Variants in TMEM232 observed in about 807,000 individuals in gnomAD.
TMEM232 encodes transmembrane protein 232.
Under a neutral mutation model 78.8 loss-of-function variants are expected in TMEM232, and 80 were observed. The ratio of observed to expected loss-of-function variants is 1.01; its 90% CI spans 0.85 to 1.22. The LOEUF is 1.22. TMEM232 is among the 50% of genes most tolerant of loss of function. TMEM232 has a pLI of 0.00. For missense variants in TMEM232, 881 were observed against 742.2 expected, an observed-to-expected ratio of 1.19 and a Z score of -2.17; for synonymous variants, 297 against 254.3, an observed-to-expected ratio of 1.17 and a Z score of -1.60.
At chr5:110,579,072 G>A (rs1364418341) in intron 10 of TMEM232, among the ~76,000 whole-genome samples, 1 of 151,682 alleles carries the variant, frequency 6.6e-6, no homozygotes, top group African/African-American at 2.4e-5. Context: ...GATATCAAAA[G>A]TATAGGAGAT....
intron 12 of TMEM232, among the ~76,000 whole-genome samples, chr5:110,464,849 T>A (rs568703662): frequency 6.6e-6 from 1 of 152,316 alleles, no homozygotes; most frequent in South Asian, 2.1e-4. Context: ...TCTATCTATC[T>A]ATCATGAACC....
intron 12 of TMEM232, among the ~76,000 whole-genome samples, chr5:110,523,289 C>T (rs1012174644): frequency 6.6e-6 from 1 of 151,984 alleles, no homozygotes. Flanking sequence ...TCTTCTCTCC[C>T]TTTTCTTAGA....
At chr5:110,406,332 GTATC>G (rs1249932194) in intron 2 of TMEM232, among the ~76,000 whole-genome samples, 6 of 146,950 alleles carry the variant, frequency 4.1e-5, no homozygotes, top group Non-Finnish European at 6.0e-5. Context: ...AATATTTTCT[GTATC>G]TATTCATGTG....
chr5:110,668,783 A>AG (rs1472731594), intron 1 of TMEM232, among the ~76,000 whole-genome samples: 2,929 of 152,272 alleles, frequency 0.019, 83 homozygotes, highest in African/African-American at 0.068. Context: ...ACTGTCTCGC[A>AG]GACCACAGTG....
chr5:110,713,962 G>A (rs1044078817), intron 1 of TMEM232, among the ~76,000 whole-genome samples: 4 of 152,136 alleles, frequency 2.6e-5, no homozygotes, highest in African/African-American at 9.7e-5. Flanking sequence ...GCATCAGGTG[G>A]TCTTTAATGG....
intron 3 of TMEM232, among the ~76,000 whole-genome samples, chr5:110,393,478 T>C (rs929562408): frequency 6.6e-5 from 10 of 152,198 alleles, no homozygotes; most frequent in Non-Finnish European, 1.2e-4. Context: ...AGTATTTGCA[T>C]AGTATATCCT....
chr5:110,697,989 T>C (rs28834078), intron 1 of TMEM232, among the ~76,000 whole-genome samples: 14,261 of 152,150 alleles, frequency 0.094, 790 homozygotes, highest in South Asian at 0.18. Context: ...CATGCACACG[T>C]ATGTTTATTG....
At position 110,591,862 on chromosome 5, in the gene TMEM232, A is replaced by G. The variant is rs1373420465; in HGVS notation, c.1276+13247T>C. ...CAGTTAAATAAAGCAGAAGCTCCAG[A>G]TTATTTATATCACTTTTCAGAAAGA... On this transcript the variant is annotated intron_variant, in intron 10 of 13. Transcript: ENST00000455884. Among the ~76,000 whole-genome samples, 3 of 152,146 alleles carry G rather than the reference A, an allele frequency of 2.0e-5. No homozygotes were observed. In the East Asian group the frequency reaches 5.8e-4, roughly 29 times the overall value.
chr5:110,608,201 G>A (rs960443786), intron 8 of TMEM232, among the ~76,000 whole-genome samples: 2 of 151,802 alleles, frequency 1.3e-5, no homozygotes, highest in African/African-American at 4.8e-5. Context: ...TGTCTATAAA[G>A]AAAATACAGC....
At position 110,663,997 on chromosome 5, in the gene TMEM232, G is replaced by A. The variant is rs373467492; in HGVS notation, c.125+3231C>T. ...TACAAAAAAAATTTTTTATTTATCCGTGTATGGTGACATGTGCCTGTGATT... is the reference window on the plus strand; with the variant it reads ...TACAAAAAAAATTTTTTATTTATCCATGTATGGTGACATGTGCCTGTGATT... On this transcript the variant is annotated intron_variant, in intron 2 of 13. Transcript: ENST00000455884. 5.3e-5 allele frequency among the ~76,000 whole-genome samples: 8 copies of A among 152,068 alleles called. No individual in the cohort carries two copies. The East Asian group carries it at 7.7e-4, about 15-fold the overall frequency.
chr5:110,694,838 G>A (rs907619697), intron 1 of TMEM232, among the ~76,000 whole-genome samples: 16 of 151,926 alleles, frequency 1.1e-4, no homozygotes, highest in African/African-American at 2.9e-4. Flanking sequence ...CTTAGACTCC[G>A]ACACAATAAT....
At chr5:110,487,120 T>C (rs1764546115) in intron 12 of TMEM232, among the ~76,000 whole-genome samples, 1 of 152,076 alleles carries the variant, frequency 6.6e-6, no homozygotes, top group Non-Finnish European at 1.5e-5. Flanking sequence ...TTGGTCTTTG[T>C]AGGTGTACAG....
At chr5:110,523,542 T>G (rs1281407111) in intron 12 of TMEM232, among the ~76,000 whole-genome samples, 1 of 152,184 alleles carries the variant, frequency 6.6e-6, no homozygotes, top group African/African-American at 2.4e-5. Context: ...GTACTGCTTT[T>G]GCTCCATCCA....
chr5:110,667,064 T>C (rs1226329291), intron 2 of TMEM232, among the ~76,000 whole-genome samples, 164 bp downstream of exon 2: 1 of 152,046 alleles, frequency 6.6e-6, no homozygotes, highest in African/African-American at 2.4e-5. Flanking sequence ...ATTCAAAATT[T>C]TAGAAAGCAC....
intron 1 of TMEM232, among the ~76,000 whole-genome samples, chr5:110,689,494 C>A (rs1322127925): frequency 6.6e-6 from 1 of 152,008 alleles, no homozygotes; most frequent in Admixed American, 6.6e-5. Context: ...AAAGTGTTTA[C>A]AGGTGCTTTA....
chr5:110,648,733 G>A (rs1001292127), intron 2 of TMEM232, among the ~76,000 whole-genome samples: 1 of 152,024 alleles, frequency 6.6e-6, no homozygotes, highest in Non-Finnish European at 1.5e-5. Flanking sequence ...CCTAGACTGT[G>A]AATAAACTAT....
At chr5:110,433,004 A>T (rs1444833205) in intron 12 of TMEM232, among the ~76,000 whole-genome samples, 2 of 151,752 alleles carry the variant, frequency 1.3e-5, no homozygotes, top group African/African-American at 4.8e-5. Context: ...TCTAGCCTTA[A>T]GAAAATACTC....
intron 2 of TMEM232, among the ~76,000 whole-genome samples, chr5:110,399,151 C>T (rs1755499592): frequency 6.6e-6 from 1 of 152,076 alleles, no homozygotes; most frequent in African/African-American, 2.4e-5. Flanking sequence ...AAAGCTTACA[C>T]AGCACAAAGA....
chr5:110,735,193 G>A (rs1006789498), intron 1 of TMEM232, among the ~76,000 whole-genome samples: 1 of 152,200 alleles, frequency 6.6e-6, no homozygotes, highest in East Asian at 1.9e-4. Context: ...TGAGCAAAAT[G>A]TTAACATAAA....
Sources: allele counts gnomAD v4.1 joint callset (sites outside exome capture counted in the v4.1 genomes callset), GRCh38; gene constraint gnomAD v4.1.1; transcripts MANE v1.5; gene names NCBI Gene and HGNC (gene_info 2026-07-23, HGNC 2026-07-21).